The following NOVA1 variants were observed in gnomAD, a reference collection of about 807,000 sequenced individuals.
The protein encoded by NOVA1 is RNA-binding protein Nova-1.
Under a neutral mutation model 38.0 loss-of-function variants are expected in NOVA1, and 7 were observed. The ratio of observed to expected loss-of-function variants is 0.18; its 90% CI spans 0.10 to 0.35. The LOEUF is 0.35. NOVA1 is among the 10% of genes least tolerant of loss of function. The probability of loss-of-function intolerance (pLI) is 1.00; values close to 1 mark genes in which losing one functional copy is unlikely to be tolerated. For missense variants in NOVA1, 460 were observed against 616.0 expected, an observed-to-expected ratio of 0.75 and a Z score of 2.68; for synonymous variants, 270 against 232.5, an observed-to-expected ratio of 1.16 and a Z score of -1.47.
intron 2 of NOVA1, among the ~76,000 whole-genome samples, chr14:26,514,477 CTTG>C (rs1313937051): frequency 6.6e-6 from 1 of 151,724 alleles, no homozygotes; most frequent in Non-Finnish European, 1.5e-5. Context: ...GAGGCATTAA[CTTG>C]TTAATATAAT....
intron 4 of NOVA1, among the ~76,000 whole-genome samples, chr14:26,449,584 T>TA (rs1420739479): frequency 6.6e-6 from 1 of 152,274 alleles, no homozygotes; most frequent in East Asian, 1.9e-4. Flanking sequence ...ATATGAAATA[T>TA]AACTTCATAA....
At chr14:26,524,405 T>C (rs1594463243) in intron 2 of NOVA1, among the ~76,000 whole-genome samples, 1 of 152,162 alleles carries the variant, frequency 6.6e-6, no homozygotes, top group African/African-American at 2.4e-5. Context: ...CATAGAACAA[T>C]GTAATCCACA....
intron 2 of NOVA1, among the ~76,000 whole-genome samples, chr14:26,557,996 G>GA (rs529682143): frequency 1.4e-3 from 174 of 126,864 alleles, no homozygotes; most frequent in Middle Eastern, 4.1e-3. Context: ...CTTGTTAAAT[G>GA]AAAAAAAAAA....
intron 1 of NOVA1, 198 bp from the exon 2 acceptor site, chr14:26,595,751 T>C (rs570299187): frequency 9.8e-6 from 5 of 510,680 alleles, no homozygotes; most frequent in African/African-American, 5.8e-5. Context: ...TCCCATTTTA[T>C]AGGATTTATA....
intron 2 of NOVA1, among the ~76,000 whole-genome samples, chr14:26,564,302 C>T (rs1891998863): frequency 6.6e-6 from 1 of 152,120 alleles, no homozygotes; most frequent in Non-Finnish European, 1.5e-5. Flanking sequence ...GCACTTACAA[C>T]GCATCAGGCA....
intron 2 of NOVA1, among the ~76,000 whole-genome samples, chr14:26,584,424 C>A (rs1476219141): frequency 6.6e-6 from 1 of 151,538 alleles, no homozygotes. Flanking sequence ...TACAGTACCA[C>A]TGTCAGTCAT....
chr14:26,538,042 G>C (rs1459929341), intron 2 of NOVA1, among the ~76,000 whole-genome samples: 1 of 152,092 alleles, frequency 6.6e-6, no homozygotes, highest in Non-Finnish European at 1.5e-5. Flanking sequence ...TGTCCAGATT[G>C]TCTACAGCAT....
chr14:26,531,671 T>C (rs532301339), intron 2 of NOVA1, among the ~76,000 whole-genome samples: 2 of 152,284 alleles, frequency 1.3e-5, no homozygotes, highest in Admixed American at 6.5e-5. Context: ...CATTTCTTAA[T>C]ATGCAAAAAG....
Position 26,444,622 on chromosome 14 carries a change from A to G in NOVA1, c.*3337T>C, listed in dbSNP as rs141812023. The G allele has an allele frequency of 2.0e-5, 3 of 152,138 alleles. No individual in the cohort carries two copies. The highest frequency in any genetic ancestry group is 7.2e-5 in the African/African-American group (3 of 41,440). 9.4% of individuals were successfully genotyped at this position (152,138 alleles called of 1,614,324 possible). ...ATTTATCTTTGTTTCTAATCATTCA[A>G]TGAGAAAATGACTTCCACAGAAATA... is the stretch of plus-strand genomic sequence containing the variant. On this transcript the variant is annotated 3_prime_UTR_variant, in exon 5 of 5. Transcript: ENST00000539517.
At chr14:26,586,657 G>A (rs1490963803) in intron 2 of NOVA1, among the ~76,000 whole-genome samples, 1 of 150,970 alleles carries the variant, frequency 6.6e-6, no homozygotes, top group African/African-American at 2.4e-5. Flanking sequence ...AAGAAAAAAA[G>A]TACAAATGAA....
chr14:26,591,260 G>T (rs1358370400), intron 2 of NOVA1, among the ~76,000 whole-genome samples: 1 of 151,588 alleles, frequency 6.6e-6, no homozygotes, highest in East Asian at 1.9e-4. Context: ...AAAGATAAAA[G>T]TAACCCTAAC....
chr14:26,477,803 T>C (rs532131898), intron 3 of NOVA1, among the ~76,000 whole-genome samples: 1 of 152,126 alleles, frequency 6.6e-6, no homozygotes, highest in African/African-American at 2.4e-5. Flanking sequence ...ATCCCAAACT[T>C]AGAGCAAAAG....
chr14:26,590,913 T>C (rs1893804850), intron 2 of NOVA1, among the ~76,000 whole-genome samples: 1 of 151,690 alleles, frequency 6.6e-6, no homozygotes, highest in Non-Finnish European at 1.5e-5. Flanking sequence ...TATAAATTAA[T>C]GATGTCTTAT....
Position 26,520,984 on chromosome 14 carries a change from A to G in NOVA1, c.281-40841T>C, listed in dbSNP as rs369784075. On this transcript the variant is annotated intron_variant, in intron 2 of 4. Transcript: ENST00000539517. Reference sequence around the variant, plus strand: ...AAGCATATTTGACAATGTTGATGTTAGAGCTCTCTGGTAGAGAACACCAAA... The same window carrying G: ...AAGCATATTTGACAATGTTGATGTTGGAGCTCTCTGGTAGAGAACACCAAA... 9.2e-5 allele frequency among the ~76,000 whole-genome samples: 14 copies of G among 152,264 alleles called. No homozygotes were observed. In the South Asian group the frequency reaches 2.9e-3, roughly 32 times the overall value.
intron 2 of NOVA1, among the ~76,000 whole-genome samples, chr14:26,495,864 T>C (rs1392689018): frequency 7.8e-6 from 1 of 128,094 alleles, no homozygotes; most frequent in Non-Finnish European, 1.7e-5. Context: ...CCATGGTGTA[T>C]ATGTGCCACA....
chr14:26,586,713 C>G (rs1893534610), intron 2 of NOVA1, among the ~76,000 whole-genome samples: 1 of 150,980 alleles, frequency 6.6e-6, no homozygotes, highest in Non-Finnish European at 1.5e-5. Context: ...AAAAACACTG[C>G]CACTTTCAAA....
intron 2 of NOVA1, among the ~76,000 whole-genome samples, chr14:26,576,289 CTTT>C (rs1350400341): frequency 6.6e-6 from 1 of 151,228 alleles, no homozygotes; most frequent in East Asian, 2.0e-4. Context: ...CTCTTGCTTC[CTTT>C]TTTATTACTG....
In NOVA1 at chr14:26,444,856, CAAACAAAAAAA is replaced by C. The variant is rs1398701904; in HGVS notation, c.*3092_*3102del. The stretch of plus-strand genomic sequence containing the variant: ...AAAAACAAAAAAACAAACAAACAAA[CAAACAAAAAAA>C]AAACAAAAAAACTGCAATGCAACTT... On this transcript the variant is annotated 3_prime_UTR_variant, in exon 5 of 5. Transcript: ENST00000539517. 3 of 141,652 alleles carry C rather than the reference CAAACAAAAAAA, an allele frequency of 2.1e-5. No homozygotes were observed. The highest frequency in any genetic ancestry group is 8.6e-5 in the African/African-American group (3 of 34,728). The allele number at this position is 141,652 out of a possible 1,614,324, so 8.8% of individuals were successfully genotyped here.
chr14:26,490,481 T>G (rs924897808), intron 2 of NOVA1, among the ~76,000 whole-genome samples: 11 of 152,194 alleles, frequency 7.2e-5, no homozygotes, highest in Admixed American at 7.2e-4. Context: ...GGGTTCCAAT[T>G]TCTGTAAGTC....
Sources: allele counts gnomAD v4.1 joint callset (sites outside exome capture counted in the v4.1 genomes callset), GRCh38; gene constraint gnomAD v4.1.1; transcripts MANE v1.5; gene names NCBI Gene and HGNC (gene_info 2026-07-23, HGNC 2026-07-21).